BANP: variants seen among roughly 807,000 people sequenced by gnomAD.
The protein encoded by BANP is BTG3 associated nuclear protein.
BANP carries 11 observed loss-of-function variants against 68.1 expected under a neutral mutation model. That is an observed-to-expected ratio of 0.16 (90% CI 0.10 to 0.27). BANP has a LOEUF of 0.27. Ranked by LOEUF, BANP falls within the 10% of genes least tolerant of loss-of-function variation. The pLI, the probability that BANP is intolerant of heterozygous loss-of-function variation, is 1.00. For synonymous variants in BANP, 329 were observed against 303.2 expected (o/e 1.09, Z -0.88); for missense variants, 504 against 722.7 (o/e 0.70, Z 3.47).
In BANP at chr16:88,057,461, C is replaced by T. The variant is rs984787471; in HGVS notation, c.1312-7806C>T. On this transcript the variant is annotated intron_variant, in intron 11 of 13. Coordinates refer to ENST00000682872, the MANE Select transcript of BANP (RefSeq NM_001386991.1). The surrounding 1 kb of genome is among the most constrained non-coding windows in gnomAD (Gnocchi z 4.6). ...CTTCTCCAGGGGGATGCCCTGGAGA[C>T]TCTTGCGGTCCCCTCCACGTGTTCA... is the stretch of plus-strand genomic sequence containing the variant. Among the ~76,000 whole-genome samples the T allele has an allele frequency of 3.6e-4, 55 of 152,008 alleles. No homozygotes were observed. The highest frequency in any genetic ancestry group is 1.2e-3 in the African/African-American group (50 of 41,388).
intron 6 of BANP, among the ~76,000 whole-genome samples, chr16:88,012,067 G>T (rs1204761949): frequency 5.9e-5 from 9 of 152,204 alleles, no homozygotes; most frequent in Admixed American, 5.9e-4. Context: ...ACATAATTAT[G>T]AGGAGCCCAA....
intron 1 of BANP, among the ~76,000 whole-genome samples, chr16:87,974,359 G>A (rs528967992): frequency 3.3e-5 from 5 of 152,180 alleles, no homozygotes; most frequent in African/African-American, 7.2e-5. Flanking sequence ...GACACTGTGC[G>A]AGGCTCGGGG....
intron 12 of BANP, among the ~76,000 whole-genome samples, chr16:88,065,717 G>A (rs961740969): frequency 7.9e-5 from 12 of 152,182 alleles, no homozygotes; most frequent in Admixed American, 7.8e-4. Context: ...CTAGGAGGGA[G>A]GAGAGCAGGG....
In BANP at chr16:87,974,591, G is replaced by A. The variant is rs140396986; in HGVS notation, c.-68-457G>A. On this transcript the variant is annotated intron_variant, in intron 1 of 13. Coordinates refer to ENST00000682872, the MANE Select transcript of BANP (RefSeq NM_001386991.1). ...GGAGAAACTTGGGAGGAGAGGTGGCGTATCACCACGGAGACCAGTGGTATG... is the reference window on the plus strand; with the variant it reads ...GGAGAAACTTGGGAGGAGAGGTGGCATATCACCACGGAGACCAGTGGTATG... Among the ~76,000 whole-genome samples the A allele has an allele frequency of 8.0e-3, 1,214 of 152,316 alleles. 13 individuals are homozygous for A. The highest frequency in any genetic ancestry group is 0.027 in the African/African-American group (1,115 of 41,564).
chr16:88,061,716 A>AGT (rs2086853595), intron 11 of BANP, among the ~76,000 whole-genome samples: 2 of 150,648 alleles, frequency 1.3e-5, no homozygotes, highest in Admixed American at 1.3e-4. Flanking sequence ...CCCAGGCTGG[A>AGT]GTGCAATGGC....
chr16:88,030,675 G>C (rs889896204), intron 8 of BANP, among the ~76,000 whole-genome samples: 2 of 152,234 alleles, frequency 1.3e-5, no homozygotes, highest in Non-Finnish European at 2.9e-5. Flanking sequence ...CACAGGAGTA[G>C]ACGGTGGTGC....
intron 1 of BANP, among the ~76,000 whole-genome samples, chr16:87,968,676 G>A (rs915923387): frequency 3.3e-5 from 5 of 151,986 alleles, no homozygotes; most frequent in East Asian, 1.9e-4. Context: ...TGCTAGTTGC[G>A]CCTGACAGGG....
In BANP at chr16:88,057,107, G is replaced by C. The variant is rs551912104; in HGVS notation, c.1312-8160G>C. On this transcript the variant is annotated intron_variant, in intron 11 of 13. Transcript: ENST00000682872. The surrounding 1 kb of genome is among the most constrained non-coding windows in gnomAD (Gnocchi z 4.6). The stretch of plus-strand genomic sequence containing the variant: ...ATAAGGGAGTTTTGGTGATTCTTTG[G>C]GTGTTCTGAGACTTTTCTGTTGCCG... 4.6e-5 allele frequency among the ~76,000 whole-genome samples: 7 copies of C among 152,274 alleles called. No homozygotes were observed. Among genetic ancestry groups the C allele is most frequent in the African/African-American group, 1.7e-4 (7 of 41,546 alleles).
chr16:88,017,884 C>T (rs1423349001), intron 6 of BANP, among the ~76,000 whole-genome samples: 1 of 152,224 alleles, frequency 6.6e-6, no homozygotes. Flanking sequence ...ATGCTGGCGT[C>T]AAGGGCATGC....
chr16:88,053,337 C>T (rs1343749000), intron 11 of BANP, among the ~76,000 whole-genome samples: 1 of 151,800 alleles, frequency 6.6e-6, no homozygotes, highest in Admixed American at 6.5e-5. Context: ...TCTCCATCAT[C>T]ATCACCAACA....
Position 88,019,674 on chromosome 16 carries a change from G to A in BANP, c.895+1007G>A, listed in dbSNP as rs1332937369. 1.9e-5 allele frequency among the ~76,000 whole-genome samples: 2 copies of A among 103,448 alleles called. 1 individual carries two copies. Among genetic ancestry groups the A allele is most frequent in the African/African-American group, 7.7e-5 (2 of 25,856 alleles). The allele number at this position is 103,448 out of a possible 152,430, so 67.9% of individuals were successfully genotyped here. ...GGCGGGGCGTCCGGGATCTCAGCGT[G>A]CGGGGGGCGGGGCGTCCGGGATCTC... is the stretch of plus-strand genomic sequence containing the variant. On this transcript the variant is annotated intron_variant, in intron 7 of 13. Coordinates refer to ENST00000682872, the MANE Select transcript of BANP (RefSeq NM_001386991.1).
intron 1 of BANP, among the ~76,000 whole-genome samples, chr16:87,974,760 G>A (rs979905869): frequency 3.3e-5 from 5 of 152,192 alleles, no homozygotes; most frequent in African/African-American, 1.2e-4. Context: ...TTCCAAGCCA[G>A]TGTTGGGAAG....
chr16:87,994,693 G>A (rs759872040), intron 4 of BANP, among the ~76,000 whole-genome samples: 10 of 152,244 alleles, frequency 6.6e-5, no homozygotes, highest in Non-Finnish European at 1.5e-4. Context: ...CCAGCAACTC[G>A]GGAGACTGAG....
rs570591538 is a variant in BANP, at chr16:88,043,799, G to T, written c.1311+5788G>T. ...TGCCAGGAGTGTAAAATAATTTATT[G>T]TCTAAGGAATTTCAATTTTCAGTTA... On this transcript the variant is annotated intron_variant, in intron 11 of 13. Transcript: ENST00000682872. Among the ~76,000 whole-genome samples the T allele has an allele frequency of 3.9e-5, 6 of 152,232 alleles. No homozygotes were observed. In the East Asian group the frequency reaches 1.2e-3, roughly 29 times the overall value.
chr16:88,063,267 C>T (rs1025399862), intron 11 of BANP, among the ~76,000 whole-genome samples: 10 of 152,256 alleles, frequency 6.6e-5, no homozygotes, highest in African/African-American at 1.9e-4. Flanking sequence ...GCTTTCGCCT[C>T]TCAGCCCTCC....
intron 11 of BANP, among the ~76,000 whole-genome samples, chr16:88,051,852 A>T (rs896285234): frequency 2.6e-5 from 4 of 152,208 alleles, no homozygotes; most frequent in African/African-American, 4.8e-5. Context: ...AAAAATCTAG[A>T]TTTAAAAAAT....
intron 2 of BANP, among the ~76,000 whole-genome samples, chr16:87,977,280 G>A (rs1422360848): frequency 3.3e-5 from 5 of 152,142 alleles, no homozygotes; most frequent in Admixed American, 1.3e-4. Context: ...TTAGCCGGGC[G>A]TGGTGGCGGG....
chr16:88,072,962 T>C (rs888443507), intron 13 of BANP, among the ~76,000 whole-genome samples: 1 of 152,240 alleles, frequency 6.6e-6, no homozygotes, highest in East Asian at 1.9e-4. Flanking sequence ...GCCGCTGTCT[T>C]TGGGTCTGTT....
intron 8 of BANP, among the ~76,000 whole-genome samples, chr16:88,031,718 C>G (rs1203400600): frequency 6.6e-6 from 1 of 151,864 alleles, no homozygotes; most frequent in Non-Finnish European, 1.5e-5. Flanking sequence ...AATCTAGGTA[C>G]TATGGCAATT....
Sources: gnomAD v4.1 joint callset for allele counts (sites outside exome capture counted in the v4.1 genomes callset) on GRCh38, gnomAD v4.1.1 for gene constraint, Gnocchi (gnomAD v3.1) non-coding constraint, MANE v1.5 for transcripts, NCBI Gene and HGNC (gene_info 2026-07-23, HGNC 2026-07-21) for gene names.